The following SLC16A9 variants were observed in gnomAD, a reference collection of about 807,000 sequenced individuals.
SLC16A9 encodes the protein monocarboxylate transporter 9.
SLC16A9 carries 26 observed loss-of-function variants against 44.3 expected under a neutral mutation model. That is an observed-to-expected ratio of 0.59 (90% CI 0.43 to 0.81). The LOEUF (loss-of-function observed/expected upper bound fraction) is 0.81. Among genes scored for constraint, SLC16A9 ranks in the 40% least tolerant of loss-of-function variants. The probability of loss-of-function intolerance (pLI) is 0.00; values close to 1 mark genes in which losing one functional copy is unlikely to be tolerated. For missense variants in SLC16A9, 559 were observed against 595.8 expected (o/e 0.94, Z 0.64); for synonymous variants, 230 against 225.1 (o/e 1.02, Z -0.19).
At chr10:59,694,817 T>TATATATATATATATATATATATATATAC (rs145769219) in intron 1 of SLC16A9, among the ~76,000 whole-genome samples, 5 of 47,712 alleles carry the variant, frequency 1.0e-4, no homozygotes, top group Admixed American at 4.6e-4. Context: ...TATATATATA[T>TATATATATATATATATATATATATATAC]ACACACACAC....
At chr10:59,694,308 AAG>A (rs1214460232) in intron 1 of SLC16A9, among the ~76,000 whole-genome samples, 1 of 152,222 alleles carries the variant, frequency 6.6e-6, no homozygotes, top group East Asian at 1.9e-4. Context: ...CTCAGAAATC[AAG>A]ATGGGATTAA....
At chr10:59,701,217 T>C (rs1171627) in intron 1 of SLC16A9, among the ~76,000 whole-genome samples, 130,696 of 152,126 alleles carry the variant, frequency 0.86, 56,754 homozygotes, top group East Asian at 0.95. Flanking sequence ...TCCAGCATCC[T>C]AGGGTCCCCC....
At chr10:59,681,999 C>T (rs1840037046) in intron 2 of SLC16A9, among the ~76,000 whole-genome samples, 1 of 151,756 alleles carries the variant, frequency 6.6e-6, no homozygotes, top group Non-Finnish European at 1.5e-5. Context: ...AAAAGCTTTG[C>T]TCACCAGGTG....
At chr10:59,684,402 C>G in intron 1 of SLC16A9, 75 bp from the exon 2 acceptor site, 1 of 685,658 alleles carries the variant, frequency 1.5e-6, no homozygotes, top group Non-Finnish European at 2.2e-6. Flanking sequence ...AAAAATATCT[C>G]CTCCTAAAGT....
intron 2 of SLC16A9, among the ~76,000 whole-genome samples, chr10:59,679,181 A>C (rs899941516): frequency 3.4e-5 from 1 of 29,394 alleles, no homozygotes; most frequent in Non-Finnish European, 7.6e-5. Context: ...GCACTTGGGT[A>C]GTGTGAGAAA....
intron 1 of SLC16A9, among the ~76,000 whole-genome samples, chr10:59,707,167 C>T (rs1840657886): frequency 6.7e-6 from 1 of 150,214 alleles, no homozygotes; most frequent in African/African-American, 2.5e-5. Flanking sequence ...GCGAGGATCA[C>T]CTGAGCCTGG....
At chr10:59,668,030 C>T (rs2132438987) in intron 3 of SLC16A9, among the ~76,000 whole-genome samples, 1 of 152,120 alleles carries the variant, frequency 6.6e-6, no homozygotes, top group Admixed American at 6.6e-5. Context: ...TTATCAACCT[C>T]ACTCTCTCTC....
At chr10:59,700,532 T>G (rs1311701853) in intron 1 of SLC16A9, among the ~76,000 whole-genome samples, 1 of 152,242 alleles carries the variant, frequency 6.6e-6, no homozygotes, top group African/African-American at 2.4e-5. Context: ...CACATGAGCA[T>G]GTTTCTAGTA....
chr10:59,698,314 A>G (rs532408879), intron 1 of SLC16A9, among the ~76,000 whole-genome samples: 1 of 152,348 alleles, frequency 6.6e-6, no homozygotes, highest in African/African-American at 2.4e-5. Context: ...CCATAGAGGA[A>G]GACCAAAGGA....
At chr10:59,707,282 GGGA>G (rs1840662321) in intron 1 of SLC16A9, among the ~76,000 whole-genome samples, 1 of 75,610 alleles carries the variant, frequency 1.3e-5, no homozygotes, top group Non-Finnish European at 2.7e-5. Context: ...GAGGAGGGAA[GGGA>G]AGGGAAGGGA....
At chr10:59,665,518 C>T (rs1370128932) in intron 3 of SLC16A9, among the ~76,000 whole-genome samples, 1 of 152,012 alleles carries the variant, frequency 6.6e-6, no homozygotes, top group Non-Finnish European at 1.5e-5. Context: ...AGACTTTAAC[C>T]CTTTAAAAAT....
intron 4 of SLC16A9, 43 bp from the exon 5 acceptor site, chr10:59,654,632 T>C (rs746798987): frequency 1.4e-6 from 2 of 1,461,258 alleles, no homozygotes; most frequent in African/African-American, 1.4e-5. Flanking sequence ...AATCTGAGGC[T>C]CTCAGGATTA....
At position 59,658,101 on chromosome 10, in the gene SLC16A9, T is replaced by C. The variant is rs190915924; in HGVS notation, c.437-3512A>G. Among the ~76,000 whole-genome samples, 8 of 152,318 alleles carry C rather than the reference T, an allele frequency of 5.3e-5. No homozygotes were observed. The East Asian group carries it at 1.5e-3, about 29-fold the overall frequency. ...TGGGAACCTTGGTCTCCACAACCCC[T>C]TGTCTTAACCCAGACATTCCCTTGT... On this transcript the variant is annotated intron_variant, in intron 4 of 5. Transcript: ENST00000395348.
intron 1 of SLC16A9, among the ~76,000 whole-genome samples, chr10:59,688,106 T>C (rs957628391): frequency 1.3e-5 from 2 of 152,200 alleles, no homozygotes; most frequent in Non-Finnish European, 2.9e-5. Flanking sequence ...GTACCTTCCA[T>C]GTCTCTTCAC....
intron 3 of SLC16A9, 45 bp downstream of exon 3, chr10:59,672,725 G>T: frequency 6.4e-7 from 1 of 1,559,482 alleles, no homozygotes; most frequent in Non-Finnish European, 8.7e-7. Context: ...GAAATGATGT[G>T]TATCTCTTGA....
In SLC16A9 at chr10:59,684,177, C is replaced by G. The variant is rs267602535; in HGVS notation, c.115G>C (p.Glu39Gln). The G allele has an allele frequency of 2.5e-6, 4 of 1,613,980 alleles. No individual in the cohort carries two copies. Among genetic ancestry groups the G allele is most frequent in the Non-Finnish European group, 3.4e-6 (4 of 1,179,930 alleles). Residue 39 changes from glutamate (E) to glutamine (Q), a missense_variant, in exon 2 of 6, where the codon GAA becomes CAA. Physicochemically the swap from Glu to Gln is conservative, Grantham distance 29. Coordinates refer to ENST00000395348, the MANE Select transcript of SLC16A9 (RefSeq NM_194298.3). Reference sequence around the variant, plus strand: ...CCTTCACCAAAGGCATCCAGCCATTCTATGTACAGGACTCCAACAGCTAGT... The same window carrying G: ...CCTTCACCAAAGGCATCCAGCCATTGTATGTACAGGACTCCAACAGCTAGT... ...SPLAVGVLYI[E>Q]WLDAFGEGKG... is the part of the protein sequence containing the mutation.
At chr10:59,704,289 C>T (rs1013677608) in intron 1 of SLC16A9, among the ~76,000 whole-genome samples, 1 of 152,204 alleles carries the variant, frequency 6.6e-6, no homozygotes, top group Non-Finnish European at 1.5e-5. Context: ...TACTACCCAA[C>T]CACTGCCCCC....
intron 4 of SLC16A9, among the ~76,000 whole-genome samples, chr10:59,657,558 C>T (rs755803027): frequency 2.4e-4 from 36 of 152,188 alleles, no homozygotes; most frequent in Non-Finnish European, 3.5e-4. Context: ...ATCTTGACTG[C>T]CCATAGTTGC....
intron 2 of SLC16A9, among the ~76,000 whole-genome samples, chr10:59,677,662 A>G (rs1839889526): frequency 6.6e-6 from 1 of 152,116 alleles, no homozygotes; most frequent in African/African-American, 2.4e-5. Flanking sequence ...AGGAAGAAAA[A>G]CCAAGGCCAC....
Sources: gnomAD v4.1 joint callset for allele counts (sites outside exome capture counted in the v4.1 genomes callset) on GRCh38, gnomAD v4.1.1 for gene constraint, MANE v1.5 for transcripts, NCBI Gene and HGNC (gene_info 2026-07-23, HGNC 2026-07-21) for gene names.